Variants in CEP128 observed in about 807,000 individuals in gnomAD.
CEP128 encodes centrosomal protein 128kDa.
Under a neutral mutation model 156.7 loss-of-function variants are expected in CEP128, and 132 were observed. That is an observed-to-expected ratio of 0.84 (90% CI 0.73 to 0.97). CEP128 has a LOEUF of 0.97. Ranked by LOEUF, CEP128 falls within the 50% of genes least tolerant of loss-of-function variation. CEP128 has a pLI of 0.00. For synonymous variants in CEP128, 469 were observed against 448.9 expected, an observed-to-expected ratio of 1.04 and a Z score of -0.57; for missense variants, 1,252 against 1,281.9, an observed-to-expected ratio of 0.98 and a Z score of 0.36.
At chr14:80,911,627 TC>T (rs1259985826) in intron 4 of CEP128, among the ~76,000 whole-genome samples, 1 of 152,250 alleles carries the variant, frequency 6.6e-6, no homozygotes, top group African/African-American at 2.4e-5. Context: ...CTTTTCTGCA[TC>T]TTTCACACCC....
chr14:80,765,490 C>A (rs1354961832), intron 16 of CEP128, among the ~76,000 whole-genome samples: 1 of 152,146 alleles, frequency 6.6e-6, no homozygotes, highest in African/African-American at 2.4e-5. Context: ...CCTGATTCTA[C>A]AAGATTAACA....
At chr14:80,820,937 C>T (rs1459209662) in intron 13 of CEP128, among the ~76,000 whole-genome samples, 1 of 152,132 alleles carries the variant, frequency 6.6e-6, no homozygotes, top group Non-Finnish European at 1.5e-5. Context: ...CAAACACATT[C>T]TTCACCCAAG....
intron 20 of CEP128, among the ~76,000 whole-genome samples, chr14:80,568,276 CCCACG>C (rs1891000948): frequency 6.6e-6 from 1 of 152,170 alleles, no homozygotes; most frequent in Non-Finnish European, 1.5e-5. Flanking sequence ...AATCCTTCCT[CCCACG>C]CCGTGTTCTC....
At chr14:80,916,631 A>G in intron 2 of CEP128, 69 bp from the exon 3 acceptor site, 1 of 1,255,112 alleles carries the variant, frequency 8.0e-7, no homozygotes, top group South Asian at 1.4e-5. Flanking sequence ...CTAATACAAC[A>G]GTTTACTTTT....
intron 3 of CEP128, among the ~76,000 whole-genome samples, chr14:80,914,688 C>A (rs1475253685): frequency 1.3e-5 from 2 of 152,156 alleles, no homozygotes; most frequent in African/African-American, 2.4e-5. Flanking sequence ...CATAAATTCT[C>A]AGAATCATAA....
chr14:80,503,613 G>A (rs1887837101), intron 24 of CEP128, among the ~76,000 whole-genome samples: 1 of 152,138 alleles, frequency 6.6e-6, no homozygotes, highest in African/African-American at 2.4e-5. Flanking sequence ...ACACTGTGAT[G>A]TTTCATGGTG....
rs116776623 is a variant in CEP128, at chr14:80,590,031, G to A, written c.2807-9608C>T. Among the ~76,000 whole-genome samples, 746 of 152,048 alleles carry A rather than the reference G, an allele frequency of 4.9e-3. 4 individuals are homozygous for A. The highest frequency in any genetic ancestry group is 0.017 in the African/African-American group (690 of 41,506). On this transcript the variant is annotated intron_variant, in intron 19 of 24. Coordinates refer to ENST00000555265, the MANE Select transcript of CEP128 (RefSeq NM_152446.5). ...GAAAATAATGCCAACTCAGGAATCC[G>A]CTTCACATATAAAGAGCAAGTCCAG...
At chr14:80,613,292 ATTTTTTT>A (rs60007458) in intron 19 of CEP128, among the ~76,000 whole-genome samples, 1 of 65,402 alleles carries the variant, frequency 1.5e-5, no homozygotes, top group African/African-American at 6.5e-5. Flanking sequence ...AATGGAGAGC[ATTTTTTT>A]TTTTTTTTTT....
At chr14:80,864,110 T>C (rs1430819840) in intron 8 of CEP128, among the ~76,000 whole-genome samples, 1 of 152,224 alleles carries the variant, frequency 6.6e-6, no homozygotes, top group Non-Finnish European at 1.5e-5. Context: ...ATGGTAAATG[T>C]ATTTTCTCTT....
intron 14 of CEP128, among the ~76,000 whole-genome samples, chr14:80,481,778 A>G (rs938107782): frequency 1.3e-5 from 2 of 152,254 alleles, no homozygotes; most frequent in Non-Finnish European, 2.9e-5. Context: ...CCAACCAGAC[A>G]CTGTGGTTTT....
At chr14:80,503,678 G>A (rs956524957) in intron 24 of CEP128, among the ~76,000 whole-genome samples, 52 of 152,226 alleles carry the variant, frequency 3.4e-4, no homozygotes, top group African/African-American at 1.2e-3. Context: ...CTTGGAGAAA[G>A]TTTTCCATTG....
At chr14:80,609,710 T>C (rs1284781106) in intron 19 of CEP128, among the ~76,000 whole-genome samples, 2 of 151,920 alleles carry the variant, frequency 1.3e-5, no homozygotes, top group Non-Finnish European at 2.9e-5. Context: ...CAGGCAAAAA[T>C]AGCAAAACAC....
intron 23 of CEP128, among the ~76,000 whole-genome samples, chr14:80,524,280 ACT>A: frequency 6.6e-6 from 1 of 152,312 alleles, no homozygotes; most frequent in East Asian, 1.9e-4. Context: ...GAACCAGTGA[ACT>A]CAAGTCCCTG....
At chr14:80,673,009 G>A (rs1054760279) in intron 19 of CEP128, among the ~76,000 whole-genome samples, 1 of 152,076 alleles carries the variant, frequency 6.6e-6, no homozygotes, top group Non-Finnish European at 1.5e-5. Flanking sequence ...AGGAAAGTAC[G>A]TGATGGTTAG....
chr14:80,567,257 C>T (rs1421416084), intron 20 of CEP128, among the ~76,000 whole-genome samples: 2 of 152,060 alleles, frequency 1.3e-5, no homozygotes, highest in Non-Finnish European at 2.9e-5. Flanking sequence ...TCAGTTTTGA[C>T]ATTGTTCAGG....
At chr14:80,530,565 C>T (rs566220842) in intron 22 of CEP128, among the ~76,000 whole-genome samples, 1 of 152,206 alleles carries the variant, frequency 6.6e-6, no homozygotes, top group South Asian at 2.1e-4. Context: ...TTTTAGGGGC[C>T]CAACTGAGCT....
At chr14:80,742,249 G>T (rs188126364) in intron 19 of CEP128, among the ~76,000 whole-genome samples, 1 of 152,066 alleles carries the variant, frequency 6.6e-6, no homozygotes, top group African/African-American at 2.4e-5. Flanking sequence ...TAAGAATTAG[G>T]TAAAAATGCA....
chr14:80,950,716 G>GA (rs1451842347), intron 2 of CEP128, among the ~76,000 whole-genome samples: 5 of 152,140 alleles, frequency 3.3e-5, no homozygotes, highest in African/African-American at 1.2e-4. Flanking sequence ...TGATAAGGGG[G>GA]AAAATCATAG....
At chr14:80,749,133 CT>C (rs1447966041) in intron 18 of CEP128, among the ~76,000 whole-genome samples, 1 of 152,082 alleles carries the variant, frequency 6.6e-6, no homozygotes, top group Non-Finnish European at 1.5e-5. Context: ...CAGTTCAGCA[CT>C]GAGAGAAACA....
Sources: gnomAD v4.1 joint callset for allele counts (sites outside exome capture counted in the v4.1 genomes callset) on GRCh38, gnomAD v4.1.1 for gene constraint, MANE v1.5 for transcripts, NCBI Gene and HGNC (gene_info 2026-07-23, HGNC 2026-07-21) for gene names.